MSH6: variants seen among roughly 807,000 people sequenced by gnomAD.
The protein encoded by MSH6 is mutS homolog 6.
A neutral mutation model predicts 119.1 loss-of-function variants in MSH6; 85 were observed. The observed-to-expected ratio is 0.71, with a 90% CI of 0.60 to 0.85. The LOEUF is 0.85. Ranked by LOEUF, MSH6 falls within the 40% of genes least tolerant of loss-of-function variation. The pLI, the probability that MSH6 is intolerant of heterozygous loss-of-function variation, is 0.00. For missense variants in MSH6, 2,163 were observed against 1,655.3 expected (o/e 1.31, Z -5.32); for synonymous variants, 830 against 586.9 (o/e 1.41, Z -5.99).
At chr2:47,784,136 G>C in intron 1 of MSH6, 1 of 1,005,382 alleles carries the variant, frequency 9.9e-7, no homozygotes, top group Non-Finnish European at 1.2e-6. Flanking sequence ...TGGGCCACGA[G>C]CTGCGAGCGC....
At chr2:47,796,198 C>T in intron 3 of MSH6, 135 bp downstream of exon 3, 1 of 909,126 alleles carries the variant, frequency 1.1e-6, no homozygotes, top group Non-Finnish European at 1.8e-6. Flanking sequence ...TACATGCATA[C>T]TTCTGTAGTT....
intron 5 of MSH6, among the ~76,000 whole-genome samples, chr2:47,804,447 G>A (rs1289127549): frequency 6.6e-6 from 1 of 151,762 alleles, no homozygotes; most frequent in African/African-American, 2.4e-5. Context: ...TGTTCACCTA[G>A]TTTGCTAGAG....
At chr2:47,809,494 G>A, downstream of MSH6, 1 of 836,744 alleles carries the variant, frequency 1.2e-6, no homozygotes, top group Non-Finnish European at 1.9e-6. Context: ...ATCTTAAACT[G>A]TTGCTAACTT....
In MSH6 at chr2:47,800,146, A is replaced by G; in HGVS notation, c.2163A>G (p.Arg721=). Residue 721 remains arginine (R), a synonymous_variant, in exon 4 of 10, where the codon AGA becomes AGG. Coordinates refer to ENST00000234420, the MANE Select transcript of MSH6 (RefSeq NM_000179.3). ...PLDSDTVSTT[R]SGAIFTKAYQ... ...ATTCTGACACAGTCAGCACTACAAG[A>G]TCTGGTGCTATCTTCACCAAAGCCT... 1 of 1,614,206 alleles carries G rather than the reference A, an allele frequency of 6.2e-7. No homozygotes were observed. The highest frequency in any genetic ancestry group is 8.5e-7 in the Non-Finnish European group (1 of 1,180,024).
At chr2:47,784,190 G>A (rs1668205019) in intron 1 of MSH6, 1 of 1,004,744 alleles carries the variant, frequency 1.0e-6, no homozygotes, top group Non-Finnish European at 1.2e-6. Context: ...TAATTGGGCG[G>A]GGCGGGGCCG....
intron 2 of MSH6, among the ~76,000 whole-genome samples, chr2:47,794,274 TC>T (rs1301455421): frequency 6.6e-6 from 1 of 151,886 alleles, no homozygotes; most frequent in Non-Finnish European, 1.5e-5. Context: ...GGAGTCAGTT[TC>T]TTTTTTCTTT....
intron 1 of MSH6, chr2:47,783,955 G>C: frequency 9.6e-7 from 1 of 1,041,224 alleles, no homozygotes. Context: ...CGAACGGGGA[G>C]AGTCCGGTGG....
chr2:47,809,116 C>T (rs1245501454), downstream of MSH6: 1 of 1,254,468 alleles, frequency 8.0e-7, no homozygotes, highest in East Asian at 2.4e-5. Flanking sequence ...AAAAGGAAAT[C>T]AGTCTTCCTC....
chr2:47,798,801 G>C lies in MSH6; in HGVS notation c.818G>C (p.Gly273Ala), dbSNP rs769610487. The C allele has an allele frequency of 6.2e-7, 1 of 1,614,176 alleles. No individual in the cohort carries two copies. Among genetic ancestry groups the C allele is most frequent in the Non-Finnish European group, 8.5e-7 (1 of 1,180,024 alleles). ...TTTAAGCCAGACACTAAGGAGGAAGGAAGCAGTGATGAAATAAGCAGTGGA... is the reference window on the plus strand; with the variant it reads ...TTTAAGCCAGACACTAAGGAGGAAGCAAGCAGTGATGAAATAAGCAGTGGA... ...VEFKPDTKEEGSSDEISSGVG... is the reference protein window; with the variant it reads ...VEFKPDTKEEASSDEISSGVG... Residue 273 changes from glycine (G) to alanine (A), a missense_variant, in exon 4 of 10, where the codon GGA (glycine) becomes GCA (alanine). Physicochemically the swap from Gly to Ala is moderately conservative, Grantham distance 60. Coordinates refer to ENST00000234420, the MANE Select transcript of MSH6 (RefSeq NM_000179.3).
At chr2:47,809,740 C>A, downstream of MSH6, 1 of 1,383,284 alleles carries the variant, frequency 7.2e-7, no homozygotes, top group Non-Finnish European at 1.0e-6. Context: ...GTAGATACAT[C>A]ACTTTATACT....
chr2:47,796,942 C>G (rs1227526868), intron 3 of MSH6, among the ~76,000 whole-genome samples: 2 of 152,148 alleles, frequency 1.3e-5, no homozygotes, highest in Non-Finnish European at 2.9e-5. Context: ...CGCACCACTG[C>G]ATTCCAGCCA....
chr2:47,792,087 C>G (rs1668763496), intron 2 of MSH6, among the ~76,000 whole-genome samples: 2 of 152,132 alleles, frequency 1.3e-5, no homozygotes, highest in Non-Finnish European at 2.9e-5. Context: ...CTCCAGTAAT[C>G]CACCCACCTC....
At position 47,806,133 on chromosome 2, in the gene MSH6, A is replaced by AT. The variant is rs1250989778; in HGVS notation, c.3647-66dup. On this transcript the variant is annotated intron_variant, in intron 7 of 9. Transcript: ENST00000234420. ...ACCGATGTTGCTTTTCTGTCCTAGC[A>AT]TTTTTGTTTTAATTCCTTTTTTGTT... 3.4e-6 allele frequency: 5 copies of AT among 1,488,448 alleles called. No homozygotes were observed. In the African/African-American group the frequency reaches 6.9e-5, roughly 21 times the overall value. The allele number at this position is 1,488,448 out of a possible 1,614,324, so 92.2% of individuals were successfully genotyped here.
In MSH6 at chr2:47,796,076, A is replaced by T. The variant is rs1391362533; in HGVS notation, c.627+13A>T. 1 of 1,613,932 alleles carries T rather than the reference A, an allele frequency of 6.2e-7. No individual in the cohort carries two copies. The highest frequency in any genetic ancestry group is 1.1e-5 in the South Asian group (1 of 91,074). On this transcript the variant is annotated intron_variant, in intron 3 of 9. Transcript: ENST00000234420. Reference sequence around the variant, plus strand: ...AGAAGAGATGGAGGTGGGACACGGCAAGCATTCAGTTGTTATTTATGTTAG... The same window carrying T: ...AGAAGAGATGGAGGTGGGACACGGCTAGCATTCAGTTGTTATTTATGTTAG...
Position 47,805,636 on chromosome 2 carries a change from T to A in MSH6, c.3575T>A (p.Val1192Asp), listed in dbSNP as rs1572741755. Residue 1192 changes from valine to aspartate, a missense_variant, in exon 7 of 10, where the codon GTT becomes GAT. Physicochemically the swap from Val to Asp is radical, Grantham distance 152. Coordinates refer to ENST00000234420, the MANE Select transcript of MSH6 (RefSeq NM_000179.3). ...TTTTAAGGTGAAAGTACATTTTTTG[T>A]TGAATTAAGTGAAACTGCCAGCATA... ...RIMSGESTFF[V>D]ELSETASILM... 1 of 1,613,308 alleles carries A rather than the reference T, an allele frequency of 6.2e-7. No homozygotes were observed. Among genetic ancestry groups the A allele is most frequent in the East Asian group, 2.2e-5 (1 of 44,864 alleles).
intron 1 of MSH6, among the ~76,000 whole-genome samples, chr2:47,785,207 G>GA: frequency 6.6e-6 from 1 of 151,844 alleles, no homozygotes; most frequent in South Asian, 2.1e-4. Flanking sequence ...ACTCATTCAA[G>GA]ATAAGAGCCA....
intron 2 of MSH6, among the ~76,000 whole-genome samples, chr2:47,792,870 TA>T (rs1256788425): frequency 1.7e-5 from 2 of 119,452 alleles, no homozygotes; most frequent in African/African-American, 3.2e-5. Context: ...TTTTTTTTTT[TA>T]AAGAGATGAC....
At chr2:47,801,242 G>A in intron 4 of MSH6, 87 bp downstream of exon 4, 3 of 1,368,686 alleles carry the variant, frequency 2.2e-6, no homozygotes, top group South Asian at 1.2e-5. Flanking sequence ...AAGTAATAAG[G>A]TATATATGGT....
In MSH6 at chr2:47,803,701, A is replaced by G. The variant is rs1469439866; in HGVS notation, c.3438+16A>G. The G allele has an allele frequency of 3.1e-6, 5 of 1,614,128 alleles. No homozygotes were observed. The highest frequency in any genetic ancestry group is 4.2e-6 in the Non-Finnish European group (5 of 1,179,976). ...TATGAGACAGGTAACTGATTCTTAA[A>G]GTTTTGTTATCAGAAAGTCATTTGT... On this transcript the variant is annotated intron_variant, in intron 5 of 9. Coordinates refer to ENST00000234420, the MANE Select transcript of MSH6 (RefSeq NM_000179.3).
Sources: gnomAD v4.1 joint callset for allele counts (sites outside exome capture counted in the v4.1 genomes callset) on GRCh38, gnomAD v4.1.1 for gene constraint, MANE v1.5 for transcripts, NCBI Gene and HGNC (gene_info 2026-07-23, HGNC 2026-07-21) for gene names.